Variants in FLI1 observed in about 807,000 individuals in gnomAD.
FLI1 encodes Friend leukemia integration 1 transcription factor.
In FLI1, 13 loss-of-function variants were observed where a neutral mutation model predicts 53.1. That is an observed-to-expected ratio of 0.24 (90% CI 0.16 to 0.39). FLI1 has a LOEUF of 0.39. FLI1 is among the 10% of genes least tolerant of loss of function. FLI1 has a pLI of 1.00. For synonymous variants in FLI1, 244 were observed against 236.7 expected (o/e 1.03, Z -0.28); for missense variants, 424 against 600.5 (o/e 0.71, Z 3.07).
At position 128,800,471 on chromosome 11, in the gene FLI1, G is replaced by A. The variant is rs189571606; in HGVS notation, c.656-4895G>A. Among the ~76,000 whole-genome samples the A allele has an allele frequency of 1.7e-3, 263 of 152,292 alleles. 1 individual carries two copies. The highest frequency in any genetic ancestry group is 5.9e-3 in the African/African-American group (246 of 41,560). On this transcript the variant is annotated intron_variant, in intron 5 of 8. Coordinates refer to ENST00000527786, the MANE Select transcript of FLI1 (RefSeq NM_002017.5). Reference sequence around the variant, plus strand: ...GCAGGGACGTTTGGGCTTTCAGACAGCAGAGGCATCAGAGCAGAAGCAAAT... The same window carrying A: ...GCAGGGACGTTTGGGCTTTCAGACAACAGAGGCATCAGAGCAGAAGCAAAT...
Position 128,810,595 on chromosome 11 carries a change from C to T in FLI1, c.966C>T (p.Gly322=), listed in dbSNP as rs200962985. The T allele has an allele frequency of 1.6e-5, 26 of 1,613,634 alleles. No individual in the cohort carries two copies. Among genetic ancestry groups the T allele is most frequent in the South Asian group, 1.2e-4 (11 of 90,970 alleles). ...CCGATGAGGTGGCCAGGCGCTGGGG[C>T]GAGCGGAAAAGCAAGCCCAACATGA... ...TDPDEVARRW[G]ERKSKPNMNY... is the part of the protein sequence containing the mutation. Residue 322 remains glycine (G), a synonymous_variant, in exon 9 of 9, where the codon GGC becomes GGT. Coordinates refer to ENST00000527786, the MANE Select transcript of FLI1 (RefSeq NM_002017.5). This position sits in a 1 kb window ranked among gnomAD's most constrained non-coding sequence, Gnocchi z 6.6.
intron 1 of FLI1, among the ~76,000 whole-genome samples, chr11:128,751,600 C>G (rs1940648299): frequency 6.6e-6 from 1 of 151,112 alleles, no homozygotes; most frequent in South Asian, 2.1e-4. Context: ...GATCTCGGCT[C>G]ACTGCAAGCT....
intron 1 of FLI1, among the ~76,000 whole-genome samples, chr11:128,750,547 T>C (rs1940598363): frequency 6.6e-6 from 1 of 152,218 alleles, no homozygotes; most frequent in African/African-American, 2.4e-5. Context: ...TTCTGTTATG[T>C]CTTCCCGAGT....
chr11:128,741,028 G>A lies in FLI1; in HGVS notation c.19-17087G>A, dbSNP rs191916866. 3.5e-3 allele frequency among the ~76,000 whole-genome samples: 539 copies of A among 152,286 alleles called. 4 individuals are homozygous for A. Among genetic ancestry groups the A allele is most frequent in the Non-Finnish European group, 6.1e-3 (418 of 68,024 alleles). ...TGGCACGCCAGCATCCCCAGGCTGGGTTTGACATTTAAGGAGCACCAGCAA... is the reference window on the plus strand; with the variant it reads ...TGGCACGCCAGCATCCCCAGGCTGGATTTGACATTTAAGGAGCACCAGCAA... On this transcript the variant is annotated intron_variant, in intron 1 of 8. Coordinates refer to ENST00000527786, the MANE Select transcript of FLI1 (RefSeq NM_002017.5).
At chr11:128,706,903 C>T (rs969612759) in intron 1 of FLI1, among the ~76,000 whole-genome samples, 1 of 152,154 alleles carries the variant, frequency 6.6e-6, no homozygotes, top group Non-Finnish European at 1.5e-5. Flanking sequence ...TGGCAAGAGG[C>T]ATTTCTTAGG....
chr11:128,757,056 C>CTTTCTTTCTTTCTTT (rs1940904402), intron 1 of FLI1, among the ~76,000 whole-genome samples: 1 of 117,898 alleles, frequency 8.5e-6, no homozygotes, highest in African/African-American at 3.6e-5. Flanking sequence ...TTCTTTCTTT[C>CTTTCTTTCTTTCTTT]TTTCTTTCTT....
rs757446188 is a variant in FLI1 at position 128,799,045 on chromosome 11, TA to T, written c.656-6320del. Among the ~76,000 whole-genome samples the T allele has an allele frequency of 4.4e-3, 619 of 141,470 alleles. 16 individuals carry two copies. Among genetic ancestry groups the T allele is most frequent in the Middle Eastern group, 0.038 (10 of 266 alleles). 92.8% of individuals were successfully genotyped at this position (141,470 alleles called of 152,430 possible). A position where few individuals can be genotyped will look rare whatever the true frequency, so the allele number is the denominator to read the frequency against. ...ATATTATTATTATTATTATTATTAT[TA>T]TTATTATTTTGCTTTGGAGACAGGA... On this transcript the variant is annotated intron_variant, in intron 5 of 8. Coordinates refer to ENST00000527786, the MANE Select transcript of FLI1 (RefSeq NM_002017.5).
chr11:128,796,599 T>C (rs767303545), intron 5 of FLI1, among the ~76,000 whole-genome samples: 1 of 152,222 alleles, frequency 6.6e-6, no homozygotes, highest in Non-Finnish European at 1.5e-5. Flanking sequence ...CTTTTTCTTT[T>C]AACTACTGTG....
chr11:128,812,780 C>A lies in FLI1; in HGVS notation c.*1792C>A, dbSNP rs1485800151. 4.7e-5 allele frequency: 10 copies of A among 214,900 alleles called. No individual in the cohort carries two copies. In the East Asian group the frequency reaches 7.0e-4, roughly 15 times the overall value. 13.3% of individuals were successfully genotyped at this position (214,900 alleles called of 1,614,324 possible). The stretch of plus-strand genomic sequence containing the variant: ...CCCAGACGGCCACCTTCTGCCACTC[C>A]AGCAAAGAATAAGCGCCCTGCTTCC... On this transcript the variant is annotated 3_prime_UTR_variant, in exon 9 of 9. Transcript: ENST00000527786.
chr11:128,743,324 G>A (rs1940219009), intron 1 of FLI1, among the ~76,000 whole-genome samples: 2 of 151,654 alleles, frequency 1.3e-5, no homozygotes, highest in Non-Finnish European at 2.9e-5. Context: ...AGGATTCCTT[G>A]GGCCCAAAAG....
chr11:128,713,859 C>T (rs746868727), intron 1 of FLI1, among the ~76,000 whole-genome samples: 1 of 152,022 alleles, frequency 6.6e-6, no homozygotes, highest in Admixed American at 6.6e-5. Flanking sequence ...AATGGCCACC[C>T]GGGGCATTGC....
chr11:128,751,537 A>T (rs890830271), intron 1 of FLI1, among the ~76,000 whole-genome samples: 10 of 150,292 alleles, frequency 6.7e-5, no homozygotes, highest in Non-Finnish European at 3.0e-5. Flanking sequence ...TTATTTATTT[A>T]TTTTTTTGAG....
chr11:128,688,611 G>A (rs1242532116), intron 1 of FLI1, among the ~76,000 whole-genome samples: 1 of 152,132 alleles, frequency 6.6e-6, no homozygotes, highest in Non-Finnish European at 1.5e-5. Flanking sequence ...CTGGCCCCTA[G>A]GGGCCAAGGG....
intron 1 of FLI1, among the ~76,000 whole-genome samples, chr11:128,741,846 T>C (rs1015829265): frequency 5.9e-5 from 9 of 152,268 alleles, no homozygotes; most frequent in African/African-American, 2.2e-4. Flanking sequence ...ATGGCTCCCT[T>C]GCTTGGTTGG....
At chr11:128,790,829 T>C (rs1942249342) in intron 5 of FLI1, among the ~76,000 whole-genome samples, 1 of 152,178 alleles carries the variant, frequency 6.6e-6, no homozygotes, top group African/African-American at 2.4e-5. Context: ...ATGATCATTC[T>C]CCCCAGTTTC....
chr11:128,773,013 G>A (rs1309005202), intron 4 of FLI1, 28 bp downstream of exon 4: 1 of 1,604,568 alleles, frequency 6.2e-7, no homozygotes, highest in South Asian at 1.1e-5. Context: ...ACCCAGGGCT[G>A]GGAGGAAGCT....
chr11:128,737,831 C>T (rs182089494), intron 1 of FLI1, among the ~76,000 whole-genome samples: 493 of 152,280 alleles, frequency 3.2e-3, no homozygotes, highest in Non-Finnish European at 4.0e-3. Context: ...GACAAATGCT[C>T]GGAGCTTATG....
At chr11:128,740,943 G>A (rs955508283) in intron 1 of FLI1, among the ~76,000 whole-genome samples, 8 of 152,182 alleles carry the variant, frequency 5.3e-5, no homozygotes, top group Admixed American at 2.6e-4. Context: ...CAGAGATCCC[G>A]TTCTCATGCC....
intron 1 of FLI1, among the ~76,000 whole-genome samples, chr11:128,740,855 G>C (rs968458961): frequency 6.6e-6 from 1 of 152,194 alleles, no homozygotes; most frequent in Non-Finnish European, 1.5e-5. Context: ...GCCTCAGCCT[G>C]GTGCTAATGG....
Sources: allele counts gnomAD v4.1 joint callset (sites outside exome capture counted in the v4.1 genomes callset), GRCh38; gene constraint gnomAD v4.1.1; non-coding constraint Gnocchi (gnomAD v3.1); transcripts MANE v1.5; gene names NCBI Gene and HGNC (gene_info 2026-07-23, HGNC 2026-07-21).